Variants in ARHGAP19 observed in about 807,000 individuals in gnomAD.
ARHGAP19 encodes the protein rho GTPase-activating protein 19.
A neutral mutation model predicts 60.9 loss-of-function variants in ARHGAP19; 48 were observed. The observed-to-expected ratio is 0.79, with a 90% confidence interval of 0.62 to 1.00. ARHGAP19 has a LOEUF of 1.00. Among genes scored for constraint, ARHGAP19 ranks in the 50% least tolerant of loss-of-function variants. The pLI, the probability that ARHGAP19 is intolerant of heterozygous loss-of-function variation, is 0.00. For missense variants in ARHGAP19, 562 were observed against 597.2 expected (o/e 0.94, Z 0.61); for synonymous variants, 209 against 215.5 (o/e 0.97, Z 0.27).
At chr10:97,283,942 C>CT (rs1056291340) in intron 1 of ARHGAP19, among the ~76,000 whole-genome samples, 49 of 123,038 alleles carry the variant, frequency 4.0e-4, no homozygotes, top group African/African-American at 1.4e-3. Context: ...CTTTTTTTTT[C>CT]TTTTTTTTAG....
chr10:97,266,521 C>T (rs1409816585), intron 1 of ARHGAP19, among the ~76,000 whole-genome samples: 1 of 152,186 alleles, frequency 6.6e-6, no homozygotes, highest in East Asian at 1.9e-4. Flanking sequence ...CCTGGCAAAG[C>T]TCCTTTGAAT....
At chr10:97,289,774 A>T (rs575477337) in intron 1 of ARHGAP19, among the ~76,000 whole-genome samples, 9 of 151,666 alleles carry the variant, frequency 5.9e-5, no homozygotes, top group Non-Finnish European at 1.2e-4. Context: ...GGACCAGTTG[A>T]GCCCAGGAGG....
At chr10:97,233,759 T>A (rs1167341818) in intron 9 of ARHGAP19, among the ~76,000 whole-genome samples, 1 of 151,822 alleles carries the variant, frequency 6.6e-6, no homozygotes, top group African/African-American at 2.4e-5. Flanking sequence ...TCCCAGCTAC[T>A]TGGGAGGCTG....
chr10:97,251,023 T>A (rs1842637189), intron 6 of ARHGAP19, among the ~76,000 whole-genome samples: 1 of 148,306 alleles, frequency 6.7e-6, no homozygotes, highest in Admixed American at 6.8e-5. Flanking sequence ...ATAGCACTAC[T>A]GCACTCCAGC....
chr10:97,243,826 A>T, intron 8 of ARHGAP19, 142 bp downstream of exon 8: 2 of 720,476 alleles, frequency 2.8e-6, no homozygotes, highest in Non-Finnish European at 4.4e-6. Context: ...TGGCACAGAG[A>T]TCACTGTGGA....
In ARHGAP19 at chr10:97,235,301, T is replaced by A. The variant is rs1156353669; in HGVS notation, c.1200A>T (p.Ser400=). Residue 400 remains serine, a synonymous_variant, in exon 9 of 12, where the codon TCA becomes TCT. Transcript: ENST00000358531. The part of the protein sequence containing the change: ...KQLIRQFNKQ[S]LTQTPGREPS... ...GTTCTCGCCCTGGTGTCTGGGTCAA[T>A]GATTGCTTATTAAACTAAAAGAAAA... 6.2e-7 allele frequency: 1 copy of A among 1,612,604 alleles called. No individual in the cohort carries two copies. The highest frequency in any genetic ancestry group is 8.5e-7 in the Non-Finnish European group (1 of 1,178,794).
chr10:97,270,754 A>C, intron 1 of ARHGAP19: 1 of 1,303,340 alleles, frequency 7.7e-7, no homozygotes, highest in Non-Finnish European at 1.0e-6. Context: ...ATACAAGGGC[A>C]CATTATGGGG....
rs773297476 is a variant in ARHGAP19 at position 97,292,599 on chromosome 10, T to G, written c.29A>C (p.Glu10Ala). 14 of 1,613,970 alleles carry G rather than the reference T, an allele frequency of 8.7e-6. 1 individual carries two copies. The East Asian group carries it at 2.9e-4, about 33-fold the overall frequency. Residue 10 changes from glutamate (E) to alanine (A), a missense_variant, in exon 1 of 12, where the codon GAG (glutamate) becomes GCG (alanine). Glu to Ala is a moderately radical substitution (Grantham distance 107). Transcript: ENST00000358531. ...CCGGCCGGATTCGCGGGCTGGCACC[T>G]CCCCTTCACTCTGTGCCTCAGTCGC... MATEAQSEG[E>A]VPARESGRSD...
chr10:97,245,081 C>T (rs1183292054), intron 7 of ARHGAP19, among the ~76,000 whole-genome samples: 4 of 152,034 alleles, frequency 2.6e-5, no homozygotes, highest in African/African-American at 7.2e-5. Flanking sequence ...TCTTGGCTCA[C>T]TGCAACCTCC....
intron 1 of ARHGAP19, among the ~76,000 whole-genome samples, chr10:97,282,946 G>A (rs543049920): frequency 2.0e-4 from 29 of 148,192 alleles, no homozygotes; most frequent in African/African-American, 6.9e-4. Context: ...AGGTTCAAGC[G>A]ATTCTCCTGC....
chr10:97,249,231 A>G (rs1441881171), intron 6 of ARHGAP19, among the ~76,000 whole-genome samples: 1 of 152,206 alleles, frequency 6.6e-6, no homozygotes, highest in Non-Finnish European at 1.5e-5. Flanking sequence ...CAGCAGGATT[A>G]TCAACGGATG....
chr10:97,290,255 G>A (rs1487629175), intron 1 of ARHGAP19, among the ~76,000 whole-genome samples: 7 of 152,062 alleles, frequency 4.6e-5, no homozygotes, highest in Non-Finnish European at 8.8e-5. Context: ...TCGCAGACCC[G>A]CCGCTGACTC....
chr10:97,245,709 TAG>T (rs1037485890), intron 7 of ARHGAP19, among the ~76,000 whole-genome samples: 8 of 152,076 alleles, frequency 5.3e-5, no homozygotes, highest in African/African-American at 1.9e-4. Flanking sequence ...AGCCATTTGA[TAG>T]AGTTTTGCCA....
At chr10:97,283,822 C>G (rs964217566) in intron 1 of ARHGAP19, among the ~76,000 whole-genome samples, 1 of 98,982 alleles carries the variant, frequency 1.0e-5, no homozygotes, top group African/African-American at 3.7e-5. Context: ...AGTGAAACTT[C>G]ATCTCTATTA....
At chr10:97,235,116 G>T in intron 9 of ARHGAP19, 101 bp downstream of exon 9, 1 of 1,121,682 alleles carries the variant, frequency 8.9e-7, no homozygotes, top group South Asian at 1.4e-5. Context: ...GCCCTTTATA[G>T]GGTCCCCAAA....
chr10:97,240,349 G>A (rs561337647), intron 8 of ARHGAP19, among the ~76,000 whole-genome samples: 1 of 152,160 alleles, frequency 6.6e-6, no homozygotes, highest in East Asian at 1.9e-4. Flanking sequence ...ACACAGAATA[G>A]AATATTATAT....
rs141595671 is a variant in ARHGAP19 at position 97,244,047 on chromosome 10, G to A, written c.1106C>T (p.Thr369Met). 421 of 1,613,868 alleles carry A rather than the reference G, an allele frequency of 2.6e-4. No homozygotes were observed. The highest frequency in any genetic ancestry group is 3.1e-4 in the South Asian group (28 of 91,060). ...CPHQEETQHH[T>M]EEALRELFQH... ...AAACAGCTCTCTCAGTGCCTCTTCC[G>A]TATGGTGCTGGGTCTCCTCCTGGTG... Residue 369 changes from threonine (T) to methionine (M), a missense_variant, in exon 8 of 12, where the codon ACG becomes ATG. Thr to Met is a moderately conservative substitution (Grantham distance 81). Coordinates refer to ENST00000358531, the MANE Select transcript of ARHGAP19 (RefSeq NM_032900.6).
At chr10:97,239,551 G>GGTGTGTGTGTGT (rs201308961) in intron 8 of ARHGAP19, among the ~76,000 whole-genome samples, 15 of 20,290 alleles carry the variant, frequency 7.4e-4, no homozygotes, top group African/African-American at 9.8e-4. Flanking sequence ...AGAGAGAGAG[G>GGTGTGTGTGTGT]GTGTGTGTGT....
chr10:97,291,823 G>T (rs1268639497), intron 1 of ARHGAP19, among the ~76,000 whole-genome samples: 1 of 151,762 alleles, frequency 6.6e-6, no homozygotes, highest in African/African-American at 2.4e-5. Flanking sequence ...AGACAACTTA[G>T]GTCTCAAGGC....
Sources: allele counts gnomAD v4.1 joint callset (sites outside exome capture counted in the v4.1 genomes callset), GRCh38; gene constraint gnomAD v4.1.1; transcripts MANE v1.5; gene names NCBI Gene and HGNC (gene_info 2026-07-23, HGNC 2026-07-21).